The following ZNF433 variants were observed in gnomAD, a reference collection of about 807,000 sequenced individuals.
ZNF433 encodes zinc finger protein 433.
In ZNF433, 12 loss-of-function variants were observed where a neutral mutation model predicts 10.6. The observed-to-expected ratio is 1.13, with a 90% CI of 0.72 to 1.83. The LOEUF (loss-of-function observed/expected upper bound fraction) is 1.83. Among genes scored for constraint, ZNF433 ranks in the 40% most tolerant of loss-of-function variants. The pLI, the probability that ZNF433 is intolerant of heterozygous loss-of-function variation, is 0.00. For synonymous variants in ZNF433, 272 were observed against 271.3 expected (o/e 1.00, Z -0.02); for missense variants, 737 against 798.0 (o/e 0.92, Z 0.92).
intron 1 of ZNF433, chr19:12,021,827 T>G (rs1447169686): frequency 2.6e-6 from 1 of 385,924 alleles, no homozygotes; most frequent in Non-Finnish European, 5.5e-6. Flanking sequence ...CCAGGTCAGA[T>G]TTCTCTCCTG....
intron 1 of ZNF433, among the ~76,000 whole-genome samples, chr19:12,030,831 C>T (rs1223726660): frequency 6.6e-6 from 1 of 152,206 alleles, no homozygotes; most frequent in South Asian, 2.1e-4. Context: ...GTAATCCCAG[C>T]ACTTTTGGAG....
In ZNF433 at chr19:12,015,697, T is replaced by A. The variant is rs141068367; in HGVS notation, c.1161A>T (p.Gly387=). 1.2e-6 allele frequency: 2 copies of A among 1,613,824 alleles called. No individual in the cohort carries two copies. Among genetic ancestry groups the A allele is most frequent in the Non-Finnish European group, 1.7e-6 (2 of 1,179,946 alleles). Residue 387 remains glycine, a synonymous_variant, in exon 4 of 4, where the codon GGA becomes GGT. Transcript: ENST00000550507. Reference sequence around the variant, plus strand: ...ATTGGTTGCATTTATAGGGTTTCTCTCCAGTGTGAGTTTTTTCATGTGTTT... The same window carrying A: ...ATTGGTTGCATTTATAGGGTTTCTCACCAGTGTGAGTTTTTTCATGTGTTT... ...SLQTHEKTHT[G]EKPYKCNQCG...
At chr19:12,022,185 T>TG (rs2145434828) in intron 1 of ZNF433, 1 of 375,316 alleles carries the variant, frequency 2.7e-6, no homozygotes, top group African/African-American at 2.1e-5. Context: ...CACTTAAAGG[T>TG]GTTCCTAAAC....
chr19:12,027,993 G>A (rs930132006), intron 1 of ZNF433: 15 of 152,116 alleles, frequency 9.9e-5, no homozygotes, highest in African/African-American at 3.6e-4. Context: ...GCTAAGATCA[G>A]GTGCATTCAG....
chr19:12,023,875 G>T (rs776767989), intron 1 of ZNF433: 2 of 152,018 alleles, frequency 1.3e-5, no homozygotes, highest in Non-Finnish European at 2.9e-5. Flanking sequence ...GTCAACATAT[G>T]ATGCATGAAA....
intron 3 of ZNF433, among the ~76,000 whole-genome samples, chr19:12,017,114 G>A (rs920723091): frequency 5.3e-5 from 8 of 152,164 alleles, no homozygotes; most frequent in Admixed American, 6.5e-5. Flanking sequence ...GAATATGAAC[G>A]GACCACAGGC....
chr19:12,014,867 G>A lies in ZNF433; in HGVS notation c.1991C>T (p.Ala664Val). 6.3e-7 allele frequency: 1 copy of A among 1,594,468 alleles called. No individual in the cohort carries two copies. Among genetic ancestry groups the A allele is most frequent in the Non-Finnish European group, 8.6e-7 (1 of 1,169,452 alleles). Residue 664 changes from alanine (A) to valine (V), a missense_variant, in exon 4 of 4, where the codon GCT becomes GTT. Physicochemically the swap from Ala to Val is moderately conservative, Grantham distance 64. Coordinates refer to ENST00000550507, the MANE Select transcript of ZNF433 (RefSeq NM_001308348.2). Reference sequence around the variant, plus strand: ...GGGTTATGGGGTGTCTATGCAGTGAGCCCTTCCATGCACTTGAAGTTGTGA... The same window carrying A: ...GGGTTATGGGGTGTCTATGCAGTGAACCCTTCCATGCACTTGAAGTTGTGA... ...CSSQLQVHGR[A>V]HCIDTP
At position 12,015,211 on chromosome 19, in the gene ZNF433, A is replaced by G. The variant is rs1396970651; in HGVS notation, c.1647T>C (p.His549=). 1 of 1,613,798 alleles carries G rather than the reference A, an allele frequency of 6.2e-7. No individual in the cohort carries two copies. Among genetic ancestry groups the G allele is most frequent in the Non-Finnish European group, 8.5e-7 (1 of 1,179,908 alleles). The part of the protein sequence containing the change: ...AFRSASQLQI[H]GRTHTGEKPY... ...GTTTCTCTCCAGTGTGAGTCCTTCCATGAATTTGAAGCTGTGAGGCAGATC... is the reference window on the plus strand; with the variant it reads ...GTTTCTCTCCAGTGTGAGTCCTTCCGTGAATTTGAAGCTGTGAGGCAGATC... The change falls in exon 4 of 4, where the codon CAT becomes CAC. Residue 549 remains histidine, a synonymous_variant. Coordinates refer to ENST00000550507, the MANE Select transcript of ZNF433 (RefSeq NM_001308348.2).
At chr19:12,030,786 A>G (rs1974980067) in intron 1 of ZNF433, among the ~76,000 whole-genome samples, 1 of 152,234 alleles carries the variant, frequency 6.6e-6, no homozygotes, top group South Asian at 2.1e-4. Context: ...ACATTTTGAA[A>G]TAACTAAAAG....
At chr19:12,031,943 T>C (rs1227403409) in intron 1 of ZNF433, among the ~76,000 whole-genome samples, 1 of 146,646 alleles carries the variant, frequency 6.8e-6, no homozygotes, top group African/African-American at 2.7e-5. Context: ...CTTTCTCTTT[T>C]TCTTTTTTTT....
At chr19:12,022,112 A>G (rs1018085845) in intron 1 of ZNF433, 11 of 432,682 alleles carry the variant, frequency 2.5e-5, no homozygotes, top group Admixed American at 7.1e-5. Flanking sequence ...GACACCCACA[A>G]TGAAGACTGT....
rs577114338 is a variant in ZNF433 at position 12,018,108 on chromosome 19, G to A, written c.130+58C>T. On this transcript the variant is annotated intron_variant, in intron 2 of 3. Transcript: ENST00000550507. ...CATGAGCTAAAAATACTTGTTCTCAGAAAAAAAAAAAAACTTGTTGTCTCA... is the reference window on the plus strand; with the variant it reads ...CATGAGCTAAAAATACTTGTTCTCAAAAAAAAAAAAAAACTTGTTGTCTCA... The A allele has an allele frequency of 2.2e-3, 2,775 of 1,247,546 alleles. 50 individuals are homozygous for A. In the South Asian group the frequency reaches 0.043, roughly 19 times the overall value. 77.3% of individuals were successfully genotyped at this position (1,247,546 alleles called of 1,614,324 possible).
intron 1 of ZNF433, among the ~76,000 whole-genome samples, chr19:12,032,588 A>T (rs1975088917): frequency 6.6e-6 from 1 of 150,682 alleles, no homozygotes; most frequent in Admixed American, 6.6e-5. Context: ...GGTTCAAGGG[A>T]TTCTCGTGCC....
intron 1 of ZNF433, chr19:12,026,473 G>A (rs1408549995): frequency 3.0e-6 from 1 of 336,284 alleles, no homozygotes; most frequent in Non-Finnish European, 5.8e-6. Flanking sequence ...CCATTGCCAT[G>A]AGTATTCCTT....
At position 12,016,290 on chromosome 19, in the gene ZNF433, G is replaced by T. The variant is rs202034136; in HGVS notation, c.568C>A (p.Arg190Ser). The change falls in exon 4 of 4, where the codon CGT becomes AGT. Residue 190 changes from arginine to serine, a missense_variant. Arg to Ser is a moderately radical substitution (Grantham distance 110, BLOSUM62 -1). Transcript: ENST00000550507. ...TTACACTTATAAGGTCCATCTCCACGGTGCATTATCCTGTGTCTTTGAAGG... is the reference window on the plus strand; with the variant it reads ...TTACACTTATAAGGTCCATCTCCACTGTGCATTATCCTGTGTCTTTGAAGG... ...SNLQRHRIMHRGDGPYKCKFC... is the reference protein window; with the variant it reads ...SNLQRHRIMHSGDGPYKCKFC... 253 of 1,614,028 alleles carry T rather than the reference G, an allele frequency of 1.6e-4. No individual in the cohort carries two copies. The highest frequency in any genetic ancestry group is 9.3e-4 in the African/African-American group (70 of 74,916).
chr19:12,026,399 C>G (rs1341327718), intron 1 of ZNF433: 1 of 293,702 alleles, frequency 3.4e-6, no homozygotes, highest in Admixed American at 4.9e-5. Flanking sequence ...AGAGAAAAAC[C>G]TGAGAAAAGC....
At chr19:12,016,781 T>C in intron 3 of ZNF433, 115 bp from the exon 4 acceptor site, 1 of 1,360,224 alleles carries the variant, frequency 7.4e-7, no homozygotes. Context: ...TCTCACTCTC[T>C]TGCCCAGGCT....
At chr19:12,026,356 C>A in intron 1 of ZNF433, 1 of 288,766 alleles carries the variant, frequency 3.5e-6, no homozygotes. Flanking sequence ...CAACAACTGC[C>A]TGGGGACAGA....
At chr19:12,030,246 C>T (rs745453226) in intron 1 of ZNF433, 10 of 419,084 alleles carry the variant, frequency 2.4e-5, no homozygotes, top group South Asian at 1.0e-4. Context: ...TTTTTTGAGA[C>T]GGAGTCTCAC....
Sources: allele counts gnomAD v4.1 joint callset (sites outside exome capture counted in the v4.1 genomes callset), GRCh38; gene constraint gnomAD v4.1.1; transcripts MANE v1.5; gene names NCBI Gene and HGNC (gene_info 2026-07-23, HGNC 2026-07-21).